The following PDE5A variants were observed in gnomAD, a reference collection of about 807,000 sequenced individuals.
The protein encoded by PDE5A is phosphodiesterase 5A.
A neutral mutation model predicts 110.2 loss-of-function variants in PDE5A; 67 were observed. The observed-to-expected ratio is 0.61, with a 90% confidence interval of 0.50 to 0.75. The LOEUF is 0.75. PDE5A is among the 30% of genes least tolerant of loss of function. PDE5A has a pLI of 0.00. For missense variants in PDE5A, 862 were observed against 1,045.1 expected (o/e 0.82, Z 2.42); for synonymous variants, 328 against 351.2 (o/e 0.93, Z 0.74).
rs766006615 is a variant in PDE5A at position 119,494,966 on chromosome 4, C to T, written c.*3635G>A. On this transcript the variant is annotated 3_prime_UTR_variant, in exon 21 of 21. Coordinates refer to ENST00000354960, the MANE Select transcript of PDE5A (RefSeq NM_001083.4). Reference sequence around the variant, plus strand: ...TGCACAATTTAACAGTCCAGAAGAACTGTGTAATCTTTACCTGGCTAGCAC... The same window carrying T: ...TGCACAATTTAACAGTCCAGAAGAATTGTGTAATCTTTACCTGGCTAGCAC... 6.6e-6 allele frequency: 1 copy of T among 152,474 alleles called. No individual in the cohort carries two copies. The highest frequency in any genetic ancestry group is 1.5e-5 in the Non-Finnish European group (1 of 68,004). The allele number at this position is 152,474 out of a possible 1,614,324, so 9.4% of individuals were successfully genotyped here.
intron 11 of PDE5A, among the ~76,000 whole-genome samples, chr4:119,534,626 G>T (rs1332433139): frequency 6.6e-6 from 1 of 152,122 alleles, no homozygotes; most frequent in Non-Finnish European, 1.5e-5. Context: ...AGTGATAGTG[G>T]TTATCAAGAT....
intron 14 of PDE5A, chr4:119,512,938 G>A (rs1475546701): frequency 6.6e-6 from 1 of 152,122 alleles, no homozygotes; most frequent in Non-Finnish European, 1.5e-5. Flanking sequence ...CATCCAGGGA[G>A]ATGGCCTATA....
At chr4:119,517,184 G>GA (rs1192813039) in intron 14 of PDE5A, 2 of 152,236 alleles carry the variant, frequency 1.3e-5, no homozygotes, top group African/African-American at 4.8e-5. Flanking sequence ...GCCACCACAT[G>GA]ACCATTTTTC....
chr4:119,572,153 C>T lies in PDE5A; in HGVS notation c.832-5009G>A, dbSNP rs148316355. Among the ~76,000 whole-genome samples, 602 of 152,256 alleles carry T rather than the reference C, an allele frequency of 4.0e-3. 5 individuals are homozygous for T. The highest frequency in any genetic ancestry group is 0.013 in the African/African-American group (547 of 41,546). On this transcript the variant is annotated intron_variant, in intron 3 of 20. Coordinates refer to ENST00000354960, the MANE Select transcript of PDE5A (RefSeq NM_001083.4). ...TGAAACTCCATGTGGCAGTTGTATA[C>T]GCCCTATACGAGGCAGGGTATTCCT... is the stretch of plus-strand genomic sequence containing the variant.
At chr4:119,604,572 G>T (rs1339077396) in intron 2 of PDE5A, among the ~76,000 whole-genome samples, 1 of 152,116 alleles carries the variant, frequency 6.6e-6, no homozygotes, top group Non-Finnish European at 1.5e-5. Context: ...AGGTCATAGA[G>T]ATACTCTATG....
chr4:119,516,819 C>G lies in PDE5A; in HGVS notation c.2000+2226G>C, dbSNP rs148610263. 5.1e-3 allele frequency among the ~76,000 whole-genome samples: 773 copies of G among 152,256 alleles called. 8 individuals are homozygous for G. The highest frequency in any genetic ancestry group is 0.017 in the African/African-American group (718 of 41,552). ...TATTTTTAGTAGAGATGGGGTTTCA[C>G]CATATTGGCCAGCCTGGTCTCGAAC... On this transcript the variant is annotated intron_variant, in intron 14 of 20. Transcript: ENST00000354960.
intron 18 of PDE5A, among the ~76,000 whole-genome samples, chr4:119,503,096 G>T (rs576130693): frequency 6.6e-6 from 1 of 152,122 alleles, no homozygotes; most frequent in African/African-American, 2.4e-5. Flanking sequence ...AGTGCTTATG[G>T]CGTGTTGGCT....
chr4:119,505,711 T>A, intron 17 of PDE5A, 144 bp downstream of exon 17: 1 of 573,592 alleles, frequency 1.7e-6, no homozygotes, highest in South Asian at 2.2e-5. Flanking sequence ...TTACTCTTTG[T>A]ACAACCCTCT....
chr4:119,555,197 C>T (rs1055104064), intron 7 of PDE5A, among the ~76,000 whole-genome samples: 3 of 152,040 alleles, frequency 2.0e-5, no homozygotes, highest in Admixed American at 2.0e-4. Context: ...GTAATTTGGT[C>T]AAACCAAGTA....
intron 14 of PDE5A, chr4:119,512,930 TC>T (rs1416856573): frequency 6.6e-6 from 1 of 152,098 alleles, no homozygotes; most frequent in African/African-American, 2.4e-5. Context: ...GGTGAGATCA[TC>T]CAGGGAGATG....
At chr4:119,519,019 T>G (rs1338197414) in intron 14 of PDE5A, 26 bp downstream of exon 14, 1 of 1,544,226 alleles carries the variant, frequency 6.5e-7, no homozygotes, top group African/African-American at 1.4e-5. Flanking sequence ...AGAAAACATT[T>G]TCTTGCTTTA....
intron 2 of PDE5A, among the ~76,000 whole-genome samples, chr4:119,600,069 T>G (rs1490518502): frequency 6.6e-6 from 1 of 152,062 alleles, no homozygotes. Flanking sequence ...AAACTAAAAC[T>G]GAGAGTATTT....
chr4:119,565,941 CTATT>C (rs1727915104), intron 4 of PDE5A, among the ~76,000 whole-genome samples: 1 of 145,674 alleles, frequency 6.9e-6, no homozygotes, highest in Non-Finnish European at 1.5e-5. Flanking sequence ...TATTGATTGA[CTATT>C]AATTATTATT....
At chr4:119,519,187 G>A (rs1293857007) in intron 13 of PDE5A, 48 bp from the exon 14 acceptor site, 1 of 1,341,246 alleles carries the variant, frequency 7.5e-7, no homozygotes, top group Non-Finnish European at 1.1e-6. Flanking sequence ...ATATAATGTG[G>A]TGAAGGACAT....
intron 4 of PDE5A, among the ~76,000 whole-genome samples, chr4:119,565,839 T>C (rs1727910704): frequency 6.6e-6 from 1 of 151,730 alleles, no homozygotes; most frequent in Non-Finnish European, 1.5e-5. Context: ...AAATATTATA[T>C]AAAGTTGCAA....
At chr4:119,534,336 C>T (rs908774338) in intron 11 of PDE5A, among the ~76,000 whole-genome samples, 5 of 151,960 alleles carry the variant, frequency 3.3e-5, no homozygotes, top group Non-Finnish European at 7.4e-5. Flanking sequence ...ACTGCCTGAG[C>T]TCTGCCTCCT....
At chr4:119,567,508 T>A (rs145654729) in intron 3 of PDE5A, among the ~76,000 whole-genome samples, 382 of 152,286 alleles carry the variant, frequency 2.5e-3, no homozygotes, top group African/African-American at 9.0e-3. Context: ...TATAAGAATA[T>A]GAACATTTTA....
chr4:119,541,154 G>A (rs1390948431), intron 10 of PDE5A, among the ~76,000 whole-genome samples: 1 of 151,522 alleles, frequency 6.6e-6, no homozygotes, highest in East Asian at 1.9e-4. Flanking sequence ...AGTATGTGAG[G>A]GCTTATTAAG....
At chr4:119,502,990 A>T (rs1725416088) in intron 18 of PDE5A, among the ~76,000 whole-genome samples, 1 of 152,162 alleles carries the variant, frequency 6.6e-6, no homozygotes, top group African/African-American at 2.4e-5. Flanking sequence ...ATATATGAAG[A>T]CACATTCTTC....
Sources: allele counts gnomAD v4.1 joint callset (sites outside exome capture counted in the v4.1 genomes callset), GRCh38; gene constraint gnomAD v4.1.1; transcripts MANE v1.5; gene names NCBI Gene and HGNC (gene_info 2026-07-23, HGNC 2026-07-21).